LRRCC1: variants seen among roughly 807,000 people sequenced by gnomAD.
The protein encoded by LRRCC1 is leucine rich repeat and coiled-coil centrosomal protein 1, also known as leucine-rich repeat and coiled-coil domain-containing protein 1.
In LRRCC1, 115 loss-of-function variants were observed where a neutral mutation model predicts 126.0. That is an observed-to-expected ratio of 0.91 (90% CI 0.78 to 1.07). LRRCC1 has a LOEUF of 1.07. Among genes scored for constraint, LRRCC1 ranks in the 50% least tolerant of loss-of-function variants. The pLI, the probability that LRRCC1 is intolerant of heterozygous loss-of-function variation, is 0.00. For missense variants in LRRCC1, 1,172 were observed against 1,175.7 expected, an observed-to-expected ratio of 1.00 and a Z score of 0.05; for synonymous variants, 400 against 393.4, an observed-to-expected ratio of 1.02 and a Z score of -0.20.
intron 17 of LRRCC1, among the ~76,000 whole-genome samples, chr8:85,139,661 G>C (rs1811131224): frequency 1.3e-5 from 2 of 152,182 alleles, no homozygotes; most frequent in South Asian, 4.1e-4. Context: ...AGGTTTTACT[G>C]TGTTAAAAAA....
At chr8:85,115,666 T>A in intron 6 of LRRCC1, 82 bp downstream of exon 6, 1 of 981,902 alleles carries the variant, frequency 1.0e-6, no homozygotes, top group Non-Finnish European at 1.5e-6. Context: ...AATTATGTAC[T>A]AGCTGACCAA....
intron 14 of LRRCC1, 116 bp from the exon 15 acceptor site, chr8:85,137,348 C>A: frequency 1.7e-6 from 1 of 580,684 alleles, no homozygotes. Flanking sequence ...CTATTATAAG[C>A]TATGTTTCTT....
At chr8:85,107,512 A>C (rs1424303103) in intron 1 of LRRCC1, 113 bp downstream of exon 1, 1 of 888,904 alleles carries the variant, frequency 1.1e-6, no homozygotes, top group Non-Finnish European at 1.7e-6. Context: ...CAAGACCATA[A>C]GTGAACGCAG....
chr8:85,131,617 C>T, intron 11 of LRRCC1, 143 bp from the exon 12 acceptor site: 1 of 617,066 alleles, frequency 1.6e-6, no homozygotes, highest in Non-Finnish European at 2.8e-6. Context: ...CCTATCTATG[C>T]CCAATTACTG....
At position 85,145,717 on chromosome 8, in the gene LRRCC1, A is replaced by G. The variant is rs1272338386; in HGVS notation, c.*206A>G. 2 of 325,762 alleles carry G rather than the reference A, an allele frequency of 6.1e-6. No individual in the cohort carries two copies. Among genetic ancestry groups the G allele is most frequent in the Admixed American group, 1.1e-4 (2 of 18,768 alleles). 20.2% of individuals were successfully genotyped at this position (325,762 alleles called of 1,614,324 possible). Reference sequence around the variant, plus strand: ...ATTGTTGACAATTTTGTCTATTAGAAAAAACTATCATAACTAGACTTACAA... The same window carrying G: ...ATTGTTGACAATTTTGTCTATTAGAGAAAACTATCATAACTAGACTTACAA... On this transcript the variant is annotated 3_prime_UTR_variant, in exon 19 of 19. Transcript: ENST00000360375.
At chr8:85,124,092 T>C (rs1364245205) in intron 7 of LRRCC1, among the ~76,000 whole-genome samples, 6 of 152,174 alleles carry the variant, frequency 3.9e-5, no homozygotes, top group Non-Finnish European at 7.4e-5. Flanking sequence ...GGATTAAATG[T>C]GAATAAGATG....
chr8:85,145,616 TA>T lies in LRRCC1; in HGVS notation c.*106del. 1 of 859,124 alleles carries T rather than the reference TA, an allele frequency of 1.2e-6. No homozygotes were observed. 53.2% of individuals were successfully genotyped at this position (859,124 alleles called of 1,614,324 possible). ...GCTATGACTTTGAAATGTCTCTTTC[TA>T]TACATTTCATTATGAATATATTTTT... On this transcript the variant is annotated 3_prime_UTR_variant, in exon 19 of 19. Transcript: ENST00000360375.
intron 18 of LRRCC1, among the ~76,000 whole-genome samples, chr8:85,143,572 G>A (rs1163662093): frequency 2.6e-5 from 4 of 152,064 alleles, no homozygotes; most frequent in Admixed American, 6.6e-5. Flanking sequence ...CCAGGAGTTC[G>A]GGACTATGGT....
chr8:85,109,369 TG>T (rs749034669), intron 1 of LRRCC1: 52 of 517,750 alleles, frequency 1.0e-4, no homozygotes, highest in Non-Finnish European at 1.6e-4. Context: ...CACTGTCACT[TG>T]CCTGCCTTGA....
chr8:85,136,248 T>G (rs1810857408), intron 14 of LRRCC1, among the ~76,000 whole-genome samples: 1 of 152,090 alleles, frequency 6.6e-6, no homozygotes, highest in Non-Finnish European at 1.5e-5. Context: ...CTTTTACAAA[T>G]CAGCATCTGA....
intron 9 of LRRCC1, among the ~76,000 whole-genome samples, chr8:85,128,809 T>C (rs371382912): frequency 7.2e-5 from 11 of 152,298 alleles, no homozygotes; most frequent in African/African-American, 2.6e-4. Flanking sequence ...TCTTTGTTTT[T>C]TGCTTCCTTT....
rs961566403 is a variant in LRRCC1, at chr8:85,135,799, A to G, written c.2165A>G (p.Asn722Ser). The G allele has an allele frequency of 6.5e-7, 1 of 1,534,964 alleles. No individual in the cohort carries two copies. Among genetic ancestry groups the G allele is most frequent in the Admixed American group, 2.0e-5 (1 of 50,934 alleles). The stretch of plus-strand genomic sequence containing the variant: ...TTTGGGAATATACAGAATCAAATCA[A>G]CACCCTTGAAATTTTAATTGAAGAT... ...ETAANLQNQI[N>S]TLEILIEDDK... The change falls in exon 14 of 19, where the codon AAC becomes AGC. Residue 722 changes from asparagine (N) to serine (S), a missense_variant. Transcript: ENST00000360375.
chr8:85,117,236 C>G (rs1409626824), intron 6 of LRRCC1, among the ~76,000 whole-genome samples: 2 of 152,092 alleles, frequency 1.3e-5, no homozygotes, highest in Non-Finnish European at 2.9e-5. Flanking sequence ...ACTTTATTTG[C>G]AAGATAGTTG....
At chr8:85,139,565 C>T (rs780772833) in intron 17 of LRRCC1, among the ~76,000 whole-genome samples, 2 of 152,042 alleles carry the variant, frequency 1.3e-5, no homozygotes, top group African/African-American at 2.4e-5. Context: ...CACGCCCGGC[C>T]GAGAGCCGAT....
chr8:85,143,087 G>A (rs1418520769), intron 18 of LRRCC1, among the ~76,000 whole-genome samples: 1 of 152,120 alleles, frequency 6.6e-6, no homozygotes, highest in Non-Finnish European at 1.5e-5. Flanking sequence ...CACTTTGGGA[G>A]GCTGAGGCGG....
intron 12 of LRRCC1, among the ~76,000 whole-genome samples, chr8:85,133,594 A>G (rs1458792860): frequency 6.6e-6 from 1 of 152,136 alleles, no homozygotes; most frequent in Non-Finnish European, 1.5e-5. Context: ...AGACAACTCC[A>G]TCCTTCTAGG....
chr8:85,129,253 TA>T lies in LRRCC1; in HGVS notation c.1506del (p.Lys502AsnfsTer2), dbSNP rs1251290668. 1 of 1,613,500 alleles carries T rather than the reference TA, an allele frequency of 6.2e-7. No individual in the cohort carries two copies. On this transcript the variant is annotated frameshift_variant, in exon 10 of 19. Coordinates refer to ENST00000360375, the MANE Select transcript of LRRCC1 (RefSeq NM_033402.5). LOFTEE classifies it high-confidence loss of function. The part of the protein sequence containing the change: ...VMVHKLQNEI[K>X]KLTVELMKAK... ...TGGTTCACAAACTTCAAAATGAAAT[TA>T]AAAAACTGACTGTTGAACTAATGAA...
chr8:85,131,832 A>G lies in LRRCC1; in HGVS notation c.1839A>G (p.Lys613=). Residue 613 remains lysine (K), a synonymous_variant, in exon 12 of 19, where the codon AAA becomes AAG. Transcript: ENST00000360375. ...FQDALAKEIA[K]EEKKHEQMIK... is the part of the protein sequence containing the mutation. ...ATGCCTTAGCTAAAGAAATAGCCAA[A>G]GAAGAGAAAAAGCATGAGCAAATGA... is the stretch of plus-strand genomic sequence containing the variant. 2 of 1,613,858 alleles carry G rather than the reference A, an allele frequency of 1.2e-6. No homozygotes were observed. Among genetic ancestry groups the G allele is most frequent in the Non-Finnish European group, 1.7e-6 (2 of 1,179,882 alleles).
At chr8:85,117,744 C>T (rs1037559566) in intron 6 of LRRCC1, among the ~76,000 whole-genome samples, 1 of 152,092 alleles carries the variant, frequency 6.6e-6, no homozygotes, top group Admixed American at 6.5e-5. Flanking sequence ...ATCCACCAAC[C>T]AGATTCTACC....
Sources: gnomAD v4.1 joint callset for allele counts (sites outside exome capture counted in the v4.1 genomes callset) on GRCh38, gnomAD v4.1.1 for gene constraint, MANE v1.5 for transcripts, NCBI Gene and HGNC (gene_info 2026-07-23, HGNC 2026-07-21) for gene names.